GSDME: variants seen among roughly 807,000 people sequenced by gnomAD.
GSDME encodes gasdermin E, also known as gasdermin-E.
In GSDME, 44 loss-of-function variants were observed where a neutral mutation model predicts 47.5. The ratio of observed to expected loss-of-function variants is 0.93; its 90% CI spans 0.73 to 1.19. The LOEUF (loss-of-function observed/expected upper bound fraction) is 1.19, where lower values mean the gene tolerates loss of function less well. Ranked by LOEUF, GSDME falls within the 50% of genes most tolerant of loss-of-function variation. GSDME has a pLI of 0.00. For synonymous variants in GSDME, 258 were observed against 252.8 expected (o/e 1.02, Z -0.20); for missense variants, 663 against 604.2 (o/e 1.10, Z -1.02).
Position 24,732,484 on chromosome 7 carries a change from A to C in GSDME, c.404+12078T>G, listed in dbSNP as rs982980181. Among the ~76,000 whole-genome samples, 2 of 152,356 alleles carry C rather than the reference A, an allele frequency of 1.3e-5. No homozygotes were observed. The highest frequency in any genetic ancestry group is 4.1e-4 in the South Asian group (2 of 4,830). ...ATCAGAACCAAAAATCAGGTGAGCA[A>C]TCACAGTACCTGGTTTTGACTTCAT... is the stretch of plus-strand genomic sequence containing the variant. On this transcript the variant is annotated intron_variant, in intron 3 of 9. Coordinates refer to ENST00000645220, the MANE Select transcript of GSDME (RefSeq NM_001127453.2). The surrounding 1 kb of genome is among the most constrained non-coding windows in gnomAD (Gnocchi z 4.8).
chr7:24,740,926 G>A (rs1329889071), intron 3 of GSDME, among the ~76,000 whole-genome samples: 1 of 152,134 alleles, frequency 6.6e-6, no homozygotes, highest in African/African-American at 2.4e-5. Flanking sequence ...CAAATAGCCA[G>A]GAAAGCACAA....
intron 2 of GSDME, 65 bp downstream of exon 2, chr7:24,749,497 CAA>C (rs66692319): frequency 0.04 from 41,736 of 1,032,330 alleles, no homozygotes; most frequent in Non-Finnish European, 0.044. Context: ...GACTCTGTGT[CAA>C]AAAAAAAAAA....
chr7:24,709,833 A>C (rs1000359542), intron 6 of GSDME, among the ~76,000 whole-genome samples: 3 of 152,138 alleles, frequency 2.0e-5, no homozygotes, highest in African/African-American at 7.2e-5. Context: ...CTTGACAATG[A>C]AGCCCAGAAT....
In GSDME at chr7:24,749,655, C is replaced by CT. The variant is rs758488919; in HGVS notation, c.119dup (p.Lys41GlufsTer113). 1,211 of 1,613,944 alleles carry CT rather than the reference C, an allele frequency of 7.5e-4. 16 individuals carry two copies. Among genetic ancestry groups the CT allele is most frequent in the Non-Finnish European group, 1.6e-4 (193 of 1,179,960 alleles). ...GTCTCTGCCAGCACCAGAATCTCTT[C>CT]TTTTTTGTCACCAGACTTAGAAGCT... is the stretch of plus-strand genomic sequence containing the variant. On this transcript the variant is annotated frameshift_variant, in exon 2 of 10. Coordinates refer to ENST00000645220, the MANE Select transcript of GSDME (RefSeq NM_001127453.2). LOFTEE classifies it high-confidence loss of function.
At position 24,757,031 on chromosome 7, in the gene GSDME, G is replaced by A. The variant is rs1210050321; in HGVS notation, c.-20+365C>T. Among the ~76,000 whole-genome samples the A allele has an allele frequency of 4.6e-5, 7 of 152,178 alleles. No individual in the cohort carries two copies. Among genetic ancestry groups the A allele is most frequent in the Admixed American group, 2.0e-4 (3 of 15,276 alleles). On this transcript the variant is annotated intron_variant, in intron 1 of 9. Coordinates refer to ENST00000645220, the MANE Select transcript of GSDME (RefSeq NM_001127453.2). This position sits in a 1 kb window ranked among gnomAD's most constrained non-coding sequence, Gnocchi z 5.9. ...CACAAAGGATGAACGAATGGGGAGG[G>A]GGGGTTTGGGGGGTTGGGAGAACGA...
the GSDME span, among the ~76,000 whole-genome samples, chr7:24,766,264 T>G: frequency 3.8e-4 from 58 of 151,986 alleles, no homozygotes; most frequent in African/African-American, 1.3e-3. The surrounding 1 kb of genome is among the most constrained non-coding windows in gnomAD (Gnocchi z 4.2). Context: ...ATTTTGCTTT[T>G]AATAAAATCC....
chr7:24,774,298 TC>T, the GSDME span, among the ~76,000 whole-genome samples: 1 of 79,562 alleles, frequency 1.3e-5, no homozygotes, highest in Admixed American at 1.7e-4. Context: ...CCTCCCTCCC[TC>T]CCTTCCTCCC....
chr7:24,769,948 G>A, the GSDME span, among the ~76,000 whole-genome samples: 4 of 152,210 alleles, frequency 2.6e-5, no homozygotes, highest in African/African-American at 9.6e-5. Context: ...TATGTCCCTG[G>A]TTCCTGGCAC....
intron 9 of GSDME, among the ~76,000 whole-genome samples, chr7:24,700,299 A>T (rs1422043838): frequency 6.6e-6 from 1 of 152,192 alleles, no homozygotes; most frequent in Non-Finnish European, 1.5e-5. Context: ...CCACTGCTCA[A>T]CACATACTTG....
chr7:24,784,485 A>C, the GSDME span, among the ~76,000 whole-genome samples: 1 of 152,144 alleles, frequency 6.6e-6, no homozygotes, highest in South Asian at 2.1e-4. Flanking sequence ...CCACTGGTCT[A>C]AGTCCAAGAG....
At chr7:24,760,232 G>A (rs565714265), upstream of GSDME, among the ~76,000 whole-genome samples, 5 of 152,118 alleles carry the variant, frequency 3.3e-5, no homozygotes, top group South Asian at 4.1e-4. This position sits in a 1 kb window ranked among gnomAD's most constrained non-coding sequence, Gnocchi z 4.2. Flanking sequence ...GGAAAAATAC[G>A]CAAAGGGCAG....
chr7:24,771,557 T>C, the GSDME span, among the ~76,000 whole-genome samples: 2 of 152,230 alleles, frequency 1.3e-5, no homozygotes, highest in African/African-American at 4.8e-5. This position sits in a 1 kb window ranked among gnomAD's most constrained non-coding sequence, Gnocchi z 4.1. Flanking sequence ...GTTCTGCCAC[T>C]TACTGGCTGT....
the GSDME span, among the ~76,000 whole-genome samples, chr7:24,769,284 T>C: frequency 6.6e-6 from 1 of 152,160 alleles, no homozygotes; most frequent in Non-Finnish European, 1.5e-5. Context: ...AAGCTCAGGG[T>C]GGACAAGTCT....
chr7:24,747,572 C>T (rs1790706013), intron 2 of GSDME, among the ~76,000 whole-genome samples: 1 of 152,206 alleles, frequency 6.6e-6, no homozygotes, highest in Non-Finnish European at 1.5e-5. Flanking sequence ...CCATCCTCTG[C>T]TCCAGTAATT....
Position 24,706,165 on chromosome 7 carries a change from C to G in GSDME, c.1183+19G>C, listed in dbSNP as rs370312532. 1.2e-6 allele frequency: 2 copies of G among 1,613,930 alleles called. No homozygotes were observed. Among genetic ancestry groups the G allele is most frequent in the Non-Finnish European group, 1.7e-6 (2 of 1,179,908 alleles). On this transcript the variant is annotated intron_variant, in intron 8 of 9. Transcript: ENST00000645220. ...TTAAAGCAGCAGCAGCCATTTCTTT[C>G]ATTTTCTTTTCTCCTTACCTGCGAG...
the GSDME span, among the ~76,000 whole-genome samples, chr7:24,795,073 TC>T: frequency 2.0e-5 from 3 of 152,150 alleles, no homozygotes; most frequent in African/African-American, 7.2e-5. Context: ...GTGGGCAAGT[TC>T]CAAGACCAGT....
At position 24,710,397 on chromosome 7, in the gene GSDME, C is replaced by T. The variant is rs1303877137; in HGVS notation, c.698-9G>A. On this transcript the variant is annotated splice_polypyrimidine_tract_variant and intron_variant, in intron 5 of 9. Transcript: ENST00000645220. Reference sequence around the variant, plus strand: ...TCGGAGAAGGCAGAACTCTGTAGTGCAGGAGAAAAGGACAAGTTAGGTAAA... The same window carrying T: ...TCGGAGAAGGCAGAACTCTGTAGTGTAGGAGAAAAGGACAAGTTAGGTAAA... 1.2e-6 allele frequency: 2 copies of T among 1,614,164 alleles called. No individual in the cohort carries two copies. Among genetic ancestry groups the T allele is most frequent in the African/African-American group, 1.3e-5 (1 of 75,050 alleles).
intron 6 of GSDME, 95 bp from the exon 7 acceptor site, chr7:24,708,349 G>C: frequency 1.4e-6 from 2 of 1,430,130 alleles, no homozygotes; most frequent in South Asian, 1.2e-5. Flanking sequence ...ATCGTCATCA[G>C]TTCTTTCATG....
At position 24,698,585 on chromosome 7, in the gene GSDME, T is replaced by TACATC. The variant is rs1333906625; in HGVS notation, c.*436_*440dup. The TACATC allele has an allele frequency of 3.9e-6, 1 of 259,628 alleles. No individual in the cohort carries two copies. The highest frequency in any genetic ancestry group is 7.5e-6 in the Non-Finnish European group (1 of 133,364). 16.1% of individuals were successfully genotyped at this position (259,628 alleles called of 1,614,324 possible). ...GTTCATTTTCAGTCATCAAATAACA[T>TACATC]ACATCACTTCCAAAACGTAGCCTCT... On this transcript the variant is annotated 3_prime_UTR_variant, in exon 10 of 10. Coordinates refer to ENST00000645220, the MANE Select transcript of GSDME (RefSeq NM_001127453.2).
Sources: gnomAD v4.1 joint callset for allele counts (sites outside exome capture counted in the v4.1 genomes callset) on GRCh38, gnomAD v4.1.1 for gene constraint, Gnocchi (gnomAD v3.1) non-coding constraint, MANE v1.5 for transcripts, NCBI Gene and HGNC (gene_info 2026-07-23, HGNC 2026-07-21) for gene names.